The following TRIM67 variants were observed in gnomAD, a reference collection of about 807,000 sequenced individuals.
TRIM67 encodes the protein tripartite motif containing 67.
In TRIM67, 39 loss-of-function variants were observed where a neutral mutation model predicts 71.0. The ratio of observed to expected loss-of-function variants is 0.55; its 90% CI spans 0.43 to 0.72. The LOEUF is 0.72. TRIM67 is among the 30% of genes least tolerant of loss of function. TRIM67 has a pLI of 0.00. For missense variants in TRIM67, 973 were observed against 1,079.2 expected (o/e 0.90, Z 1.38); for synonymous variants, 481 against 473.9 (o/e 1.01, Z -0.19).
intron 9 of TRIM67, among the ~76,000 whole-genome samples, 172 bp downstream of exon 9, chr1:231,214,149 A>C (rs1206232360): frequency 1.3e-5 from 2 of 152,116 alleles, no homozygotes; most frequent in African/African-American, 2.4e-5. Flanking sequence ...TTCCGTTCTA[A>C]CCTGTTCACT....
Position 231,209,520 on chromosome 1 carries a change from G to A in TRIM67, c.2123+270G>A, listed in dbSNP as rs1398825884. On this transcript the variant is annotated intron_variant, in intron 8 of 9. Coordinates refer to ENST00000366653, the MANE Select transcript of TRIM67 (RefSeq NM_001004342.5). This position sits in a 1 kb window ranked among gnomAD's most constrained non-coding sequence, Gnocchi z 4.1. ...CCAGCGGGCCACACGGTGGTCCTCTGCTGGGATATGGAGCTCGTAGTTTTC... is the reference window on the plus strand; with the variant it reads ...CCAGCGGGCCACACGGTGGTCCTCTACTGGGATATGGAGCTCGTAGTTTTC... 6.6e-6 allele frequency among the ~76,000 whole-genome samples: 1 copy of A among 152,198 alleles called. No individual in the cohort carries two copies. Among genetic ancestry groups the A allele is most frequent in the Admixed American group, 6.5e-5 (1 of 15,284 alleles).
At chr1:231,199,550 A>T (rs1683463074) in intron 3 of TRIM67, among the ~76,000 whole-genome samples, 1 of 152,112 alleles carries the variant, frequency 6.6e-6, no homozygotes, top group Non-Finnish European at 1.5e-5. Context: ...CATGTACTCA[A>T]CAGTCAGCAA....
rs559067590 is a variant in TRIM67 at position 231,184,425 on chromosome 1, G to A, written c.1045-12946G>A. 7.2e-5 allele frequency: 11 copies of A among 152,798 alleles called. No individual in the cohort carries two copies. The East Asian group carries it at 7.7e-4, about 11-fold the overall frequency. 9.5% of individuals were successfully genotyped at this position (152,798 alleles called of 1,614,324 possible). ...AGGCCCCAACATTGAGCTACTGTTC[G>A]GCTTGCACAGGGCATGTAGGGAACC... On this transcript the variant is annotated intron_variant, in intron 1 of 9. Transcript: ENST00000366653.
intron 1 of TRIM67, among the ~76,000 whole-genome samples, chr1:231,168,178 T>G (rs1682529883): frequency 6.6e-6 from 1 of 152,076 alleles, no homozygotes; most frequent in Non-Finnish European, 1.5e-5. Context: ...TTGGCCAGGC[T>G]GGTCTCAATT....
chr1:231,188,087 C>T (rs1052589425), intron 1 of TRIM67, among the ~76,000 whole-genome samples: 1 of 152,124 alleles, frequency 6.6e-6, no homozygotes, highest in Non-Finnish European at 1.5e-5. Context: ...TGACTGTGTC[C>T]ACATAATCCC....
At chr1:231,190,772 G>C (rs998073325) in intron 1 of TRIM67, among the ~76,000 whole-genome samples, 3 of 152,170 alleles carry the variant, frequency 2.0e-5, no homozygotes, top group Non-Finnish European at 4.4e-5. Flanking sequence ...AAGCCGGTGG[G>C]GTTGGGGAAT....
chr1:231,218,708 T>C lies in TRIM67; in HGVS notation c.*3268T>C, dbSNP rs1218886072. ...ACTGTATATATTTCCAGGCTGCATC[T>C]TCAGCCTGATATGTACTTTGTAGTT... On this transcript the variant is annotated 3_prime_UTR_variant, in exon 10 of 10. Coordinates refer to ENST00000366653, the MANE Select transcript of TRIM67 (RefSeq NM_001004342.5). 1 of 985,330 alleles carries C rather than the reference T, an allele frequency of 1.0e-6. No homozygotes were observed. The highest frequency in any genetic ancestry group is 4.7e-5 in the South Asian group (1 of 21,292). 61.0% of individuals were successfully genotyped at this position (985,330 alleles called of 1,614,324 possible).
chr1:231,211,029 A>ATATAT (rs1403385276), intron 8 of TRIM67, among the ~76,000 whole-genome samples: 4 of 121,632 alleles, frequency 3.3e-5, no homozygotes, highest in African/African-American at 1.3e-4. Flanking sequence ...CCAAAAAAAA[A>ATATAT]AAATATATAT....
chr1:231,184,923 T>C lies in TRIM67; in HGVS notation c.1045-12448T>C, dbSNP rs41305550. On this transcript the variant is annotated intron_variant, in intron 1 of 9. Coordinates refer to ENST00000366653, the MANE Select transcript of TRIM67 (RefSeq NM_001004342.5). ...AGGTCACGTAAAATTAGGGTTTGAA[T>C]TCAGGGCCCAACCCTGAAGCCCAGC... is the stretch of plus-strand genomic sequence containing the variant. 7.3e-4 allele frequency: 869 copies of C among 1,190,660 alleles called. 1 individual carries two copies. The highest frequency in any genetic ancestry group is 8.8e-4 in the Non-Finnish European group (759 of 859,016). 73.8% of individuals were successfully genotyped at this position (1,190,660 alleles called of 1,614,324 possible).
intron 1 of TRIM67, among the ~76,000 whole-genome samples, chr1:231,187,312 T>C (rs536986164): frequency 1.6e-4 from 24 of 151,848 alleles, no homozygotes; most frequent in African/African-American, 5.6e-4. Context: ...GGCGGAGGAG[T>C]GTGCCTCAGT....
At chr1:231,179,744 T>G (rs1418533484) in intron 1 of TRIM67, among the ~76,000 whole-genome samples, 1 of 152,194 alleles carries the variant, frequency 6.6e-6, no homozygotes, top group African/African-American at 2.4e-5. Context: ...TTAAGCCCAT[T>G]GTTTCCTCAT....
Position 231,215,450 on chromosome 1 carries a change from A to T in TRIM67, c.*10A>T, listed in dbSNP as rs368370740. On this transcript the variant is annotated 3_prime_UTR_variant, in exon 10 of 10. Coordinates refer to ENST00000366653, the MANE Select transcript of TRIM67 (RefSeq NM_001004342.5). ...GCTGTCAGGCAATTAGCCCCGCTCCAGCTCGGCACTGTGCCTGTGACAGTG... is the reference window on the plus strand; with the variant it reads ...GCTGTCAGGCAATTAGCCCCGCTCCTGCTCGGCACTGTGCCTGTGACAGTG... 6.2e-7 allele frequency: 1 copy of T among 1,600,158 alleles called. No homozygotes were observed. The highest frequency in any genetic ancestry group is 1.3e-5 in the African/African-American group (1 of 74,652).
chr1:231,163,848 G>A lies in TRIM67; in HGVS notation c.879G>A (p.Gly293=). ...GAGGCGCGGGGGCGGGGGCGACTGG[G>A]GGCAGCACGGCCCGCAAGTTCCCCA... The part of the protein sequence containing the change: ...SPGGAGAGAT[G]GSTARKFPTC... The change falls in exon 1 of 10, where the codon GGG becomes GGA. Residue 293 remains glycine, a synonymous_variant. Transcript: ENST00000366653. 6.4e-7 allele frequency: 1 copy of A among 1,556,578 alleles called. No individual in the cohort carries two copies. The highest frequency in any genetic ancestry group is 2.4e-5 in the East Asian group (1 of 41,260).
chr1:231,201,712 A>G (rs1006583163), intron 5 of TRIM67, among the ~76,000 whole-genome samples, 195 bp downstream of exon 5: 2 of 152,234 alleles, frequency 1.3e-5, no homozygotes, highest in African/African-American at 4.8e-5. Context: ...TGGGGTGAGA[A>G]GCACCAGTCA....
intron 1 of TRIM67, among the ~76,000 whole-genome samples, chr1:231,190,256 G>A (rs1284880195): frequency 6.6e-6 from 1 of 152,174 alleles, no homozygotes; most frequent in African/African-American, 2.4e-5. Context: ...GTGGCAGCAG[G>A]CTCCATGTAG....
chr1:231,216,370 A>G lies in TRIM67; in HGVS notation c.*930A>G. 1 of 985,450 alleles carries G rather than the reference A, an allele frequency of 1.0e-6. No individual in the cohort carries two copies. The highest frequency in any genetic ancestry group is 4.7e-5 in the South Asian group (1 of 21,290). The allele number at this position is 985,450 out of a possible 1,614,324, so 61.0% of individuals were successfully genotyped here. Reference sequence around the variant, plus strand: ...AGTTCTTAAATCCACGTGAAAACACAAGAATTTTAACAACTATGTCATAGG... The same window carrying G: ...AGTTCTTAAATCCACGTGAAAACACGAGAATTTTAACAACTATGTCATAGG... On this transcript the variant is annotated 3_prime_UTR_variant, in exon 10 of 10. Coordinates refer to ENST00000366653, the MANE Select transcript of TRIM67 (RefSeq NM_001004342.5).
intron 1 of TRIM67, among the ~76,000 whole-genome samples, chr1:231,189,241 T>C (rs533788027): frequency 6.6e-6 from 1 of 152,274 alleles, no homozygotes; most frequent in South Asian, 2.1e-4. Context: ...TTAAAAATGA[T>C]AAATTTAATT....
chr1:231,195,533 T>C (rs1374091640), intron 1 of TRIM67, among the ~76,000 whole-genome samples: 2 of 152,184 alleles, frequency 1.3e-5, no homozygotes, highest in Non-Finnish European at 2.9e-5. Flanking sequence ...GCTCATGGTG[T>C]AGGAAAAAGC....
At chr1:231,202,325 GAGA>G (rs1422869974) in intron 5 of TRIM67, among the ~76,000 whole-genome samples, 2 of 143,784 alleles carry the variant, frequency 1.4e-5, no homozygotes, top group African/African-American at 2.8e-5. Context: ...GGAGGAGGAA[GAGA>G]AGGAGGGAGA....
Sources: allele counts gnomAD v4.1 joint callset (sites outside exome capture counted in the v4.1 genomes callset), GRCh38; gene constraint gnomAD v4.1.1; non-coding constraint Gnocchi (gnomAD v3.1); transcripts MANE v1.5; gene names NCBI Gene and HGNC (gene_info 2026-07-23, HGNC 2026-07-21).